Variants in KHDRBS3 observed in about 807,000 individuals in gnomAD.
The protein encoded by KHDRBS3 is KH RNA binding domain containing, signal transduction associated 3.
KHDRBS3 carries 23 observed loss-of-function variants against 45.6 expected under a neutral mutation model. The ratio of observed to expected loss-of-function variants is 0.50; its 90% CI spans 0.36 to 0.72. The LOEUF is 0.72. Ranked by LOEUF, KHDRBS3 falls within the 30% of genes least tolerant of loss-of-function variation. KHDRBS3 has a pLI of 0.00. For missense variants in KHDRBS3, 352 were observed against 424.8 expected (o/e 0.83, Z 1.51); for synonymous variants, 162 against 156.5 (o/e 1.04, Z -0.26).
intron 6 of KHDRBS3, 105 bp downstream of exon 6, chr8:135,582,178 T>G: frequency 1.8e-6 from 2 of 1,130,696 alleles, no homozygotes; most frequent in Non-Finnish European, 2.4e-6. Flanking sequence ...GTTTTGGTTC[T>G]TGAGTATTCT....
At chr8:135,642,702 G>GT (rs1426021452) in intron 7 of KHDRBS3, among the ~76,000 whole-genome samples, 11 of 152,054 alleles carry the variant, frequency 7.2e-5, no homozygotes, top group Non-Finnish European at 1.6e-4. Flanking sequence ...TAATTAGCTT[G>GT]TAAGGATATG....
chr8:135,460,684 A>C (rs1262283624), intron 1 of KHDRBS3, among the ~76,000 whole-genome samples: 1 of 152,244 alleles, frequency 6.6e-6, no homozygotes, highest in Non-Finnish European at 1.5e-5. Context: ...TGATTTTTAC[A>C]GAAAGTTTCT....
chr8:135,498,380 C>T (rs1408251695), intron 1 of KHDRBS3, among the ~76,000 whole-genome samples: 10 of 152,204 alleles, frequency 6.6e-5, no homozygotes, highest in Non-Finnish European at 1.5e-4. Flanking sequence ...GACCTGATCA[C>T]ATAATTCTTG....
chr8:135,518,014 T>C (rs1204592695), intron 1 of KHDRBS3, among the ~76,000 whole-genome samples: 1 of 152,196 alleles, frequency 6.6e-6, no homozygotes, highest in Non-Finnish European at 1.5e-5. Context: ...AAATACTTAA[T>C]TCCTAATTTT....
intron 2 of KHDRBS3, among the ~76,000 whole-genome samples, chr8:135,530,436 G>T (rs546241922): frequency 2.0e-5 from 3 of 152,238 alleles, no homozygotes; most frequent in African/African-American, 7.2e-5. Flanking sequence ...TCCATTAAAA[G>T]AAATAATCAA....
chr8:135,539,061 C>G (rs1825918706), intron 2 of KHDRBS3: 1 of 152,134 alleles, frequency 6.6e-6, no homozygotes, highest in African/African-American at 2.4e-5. Context: ...CTGGCTTTTC[C>G]CTCTAGCAGT....
At chr8:135,578,336 T>C (rs909111480) in intron 5 of KHDRBS3, among the ~76,000 whole-genome samples, 1 of 152,162 alleles carries the variant, frequency 6.6e-6, no homozygotes, top group Non-Finnish European at 1.5e-5. Flanking sequence ...TCTTCTGTGC[T>C]TTCTTCTCTA....
At chr8:135,526,451 A>G (rs1825191979) in intron 2 of KHDRBS3, among the ~76,000 whole-genome samples, 1 of 152,186 alleles carries the variant, frequency 6.6e-6, no homozygotes, top group Admixed American at 6.5e-5. Context: ...CTTTCAGGAT[A>G]CTGAAAAACA....
chr8:135,567,276 G>A (rs987810454), intron 5 of KHDRBS3, among the ~76,000 whole-genome samples: 2 of 151,724 alleles, frequency 1.3e-5, no homozygotes, highest in Non-Finnish European at 2.9e-5. Context: ...GAGAATAAAG[G>A]CGTTCTCAGA....
chr8:135,492,678 C>G (rs931824819), intron 1 of KHDRBS3, among the ~76,000 whole-genome samples: 2 of 151,856 alleles, frequency 1.3e-5, no homozygotes, highest in African/African-American at 4.8e-5. Context: ...AAGCCAGTAC[C>G]AAGTTATATT....
chr8:135,627,527 T>TA (rs1193401953), intron 7 of KHDRBS3, among the ~76,000 whole-genome samples: 5 of 152,262 alleles, frequency 3.3e-5, no homozygotes, highest in African/African-American at 9.6e-5. Context: ...AGATGCATGT[T>TA]AAACAGGCAG....
At chr8:135,588,016 C>T (rs1348436113) in intron 6 of KHDRBS3, among the ~76,000 whole-genome samples, 1 of 152,168 alleles carries the variant, frequency 6.6e-6, no homozygotes, top group Non-Finnish European at 1.5e-5. Context: ...TGTGTTCGTT[C>T]TCTGCAGACA....
chr8:135,469,551 A>G (rs1293150152), intron 1 of KHDRBS3, among the ~76,000 whole-genome samples: 2 of 82,696 alleles, frequency 2.4e-5, no homozygotes, highest in African/African-American at 5.2e-5. Flanking sequence ...TTTTTTTGAG[A>G]CGAGTCTCGC....
intron 7 of KHDRBS3, among the ~76,000 whole-genome samples, chr8:135,626,799 G>A (rs1463317128): frequency 1.8e-4 from 9 of 50,896 alleles, no homozygotes; most frequent in Admixed American, 3.5e-4. Flanking sequence ...GCGAGACTCC[G>A]TCTCAAAAAA....
intron 7 of KHDRBS3, among the ~76,000 whole-genome samples, chr8:135,617,098 A>G (rs1016739516): frequency 1.3e-5 from 2 of 152,080 alleles, no homozygotes; most frequent in Non-Finnish European, 2.9e-5. Flanking sequence ...CTGTAAAATG[A>G]TGACTGTTTG....
intron 6 of KHDRBS3, among the ~76,000 whole-genome samples, chr8:135,601,519 T>C (rs912291886): frequency 2.0e-5 from 3 of 152,172 alleles, no homozygotes; most frequent in Admixed American, 6.5e-5. Context: ...GAAATAGTCA[T>C]TGCATGGGAG....
At chr8:135,494,609 T>C (rs1490651870) in intron 1 of KHDRBS3, among the ~76,000 whole-genome samples, 1 of 152,144 alleles carries the variant, frequency 6.6e-6, no homozygotes, top group Non-Finnish European at 1.5e-5. Flanking sequence ...CCTGATTTAC[T>C]AGTTTCTTCA....
chr8:135,538,445 T>C (rs1487985699), intron 2 of KHDRBS3: 2 of 152,202 alleles, frequency 1.3e-5, no homozygotes, highest in Non-Finnish European at 2.9e-5. Context: ...ATCTAAGTTA[T>C]GTGGGTAAGA....
chr8:135,546,332 T>C (rs1826299698), intron 3 of KHDRBS3, among the ~76,000 whole-genome samples: 1 of 152,170 alleles, frequency 6.6e-6, no homozygotes, highest in Non-Finnish European at 1.5e-5. Context: ...TTTAATCTCA[T>C]CCATTTAGAT....
Sources: allele counts gnomAD v4.1 joint callset (sites outside exome capture counted in the v4.1 genomes callset), GRCh38; gene constraint gnomAD v4.1.1; transcripts MANE v1.5; gene names NCBI Gene and HGNC (gene_info 2026-07-23, HGNC 2026-07-21).